The following CLPTM1L variants were observed in gnomAD, a reference collection of about 807,000 sequenced individuals.
The protein encoded by CLPTM1L is lipid scramblase CLPTM1L.
In CLPTM1L, 38 loss-of-function variants were observed where a neutral mutation model predicts 70.9. That is an observed-to-expected ratio of 0.54 (90% confidence interval 0.41 to 0.70). CLPTM1L has a LOEUF of 0.70. Among genes scored for constraint, CLPTM1L ranks in the 30% least tolerant of loss-of-function variants. The pLI, the probability that CLPTM1L is intolerant of heterozygous loss-of-function variation, is 0.00. For synonymous variants in CLPTM1L, 339 were observed against 299.9 expected (o/e 1.13, Z -1.35); for missense variants, 652 against 705.9 (o/e 0.92, Z 0.87).
At chr5:1,330,427 C>G in intron 8 of CLPTM1L, 44 bp from the exon 9 acceptor site, 1 of 1,525,928 alleles carries the variant, frequency 6.6e-7, no homozygotes, top group Non-Finnish European at 9.1e-7. Flanking sequence ...CAGGGCAGAC[C>G]CCACCTGTGT....
chr5:1,324,879 GA>G, intron 10 of CLPTM1L, 66 bp from the exon 11 acceptor site: 4 of 1,456,922 alleles, frequency 2.7e-6, no homozygotes, highest in Non-Finnish European at 2.9e-6. Context: ...GCTGAGCTGT[GA>G]CTAAGGGGCG....
chr5:1,331,999 T>C (rs1753124894), intron 7 of CLPTM1L, 116 bp from the exon 8 acceptor site: 2 of 814,398 alleles, frequency 2.5e-6, no homozygotes, highest in Non-Finnish European at 4.1e-6. Context: ...AGCCTCAGGA[T>C]GCATCAGGAT....
intron 8 of CLPTM1L, chr5:1,331,495 A>G (rs986151575): frequency 2.8e-5 from 13 of 470,528 alleles, no homozygotes; most frequent in Non-Finnish European, 1.9e-5. Context: ...AAGGCTCGAG[A>G]GGTCCATGCA....
chr5:1,342,519 C>T lies in CLPTM1L; in HGVS notation c.264-659G>A, dbSNP rs1279189114. On this transcript the variant is annotated intron_variant, in intron 2 of 16. Transcript: ENST00000320895. The surrounding 1 kb of genome is among the most constrained non-coding windows in gnomAD (Gnocchi z 4.3). ...TCTTCACCCGCACACCAGGGCCCGACGTCCATACTACAGCCCCATGGAAAA... is the reference window on the plus strand; with the variant it reads ...TCTTCACCCGCACACCAGGGCCCGATGTCCATACTACAGCCCCATGGAAAA... 1.3e-5 allele frequency among the ~76,000 whole-genome samples: 2 copies of T among 152,196 alleles called. No homozygotes were observed. The highest frequency in any genetic ancestry group is 1.9e-4 in the East Asian group (1 of 5,200).
chr5:1,337,687 C>A (rs777048783), intron 5 of CLPTM1L, among the ~76,000 whole-genome samples: 2 of 152,242 alleles, frequency 1.3e-5, no homozygotes, highest in Admixed American at 1.3e-4. Flanking sequence ...AGAGGCTCAG[C>A]AGGACCCCGC....
At chr5:1,326,175 G>A (rs927104824) in intron 9 of CLPTM1L, 8 of 295,914 alleles carry the variant, frequency 2.7e-5, no homozygotes, top group African/African-American at 1.1e-4. Context: ...TCTGAGAGCC[G>A]CCACCTCATG....
chr5:1,319,368 C>G (rs1422582462), intron 16 of CLPTM1L, among the ~76,000 whole-genome samples: 2 of 116,016 alleles, frequency 1.7e-5, no homozygotes, highest in African/African-American at 3.3e-5. Context: ...TGGGGGGGGG[C>G]AGCCGGCGGC....
At chr5:1,323,364 C>T (rs576207004) in intron 12 of CLPTM1L, among the ~76,000 whole-genome samples, 1 of 132,030 alleles carries the variant, frequency 7.6e-6, no homozygotes, top group East Asian at 2.1e-4. Context: ...CGGGATCCCT[C>T]TTGGCTCAGG....
intron 3 of CLPTM1L, among the ~76,000 whole-genome samples, chr5:1,340,352 T>C (rs1579655052): frequency 1.3e-5 from 2 of 152,338 alleles, no homozygotes; most frequent in East Asian, 3.9e-4. Flanking sequence ...ACACGGCTCT[T>C]ACATGAAGTT....
At chr5:1,335,259 C>T (rs899880495) in intron 5 of CLPTM1L, 85 bp from the exon 6 acceptor site, 1 of 1,057,544 alleles carries the variant, frequency 9.5e-7, no homozygotes. Flanking sequence ...CTGCCATCCC[C>T]CTTCCCATCC....
intron 9 of CLPTM1L, 26 bp from the exon 10 acceptor site, chr5:1,325,842 T>C (rs746453677): frequency 8.7e-6 from 14 of 1,605,430 alleles, no homozygotes; most frequent in Non-Finnish European, 1.2e-5. Flanking sequence ...AGGAAATAGT[T>C]CCTTTAATAT....
intron 1 of CLPTM1L, 65 bp from the exon 2 acceptor site, chr5:1,344,516 CGGCCAGCT>C: frequency 3.9e-6 from 6 of 1,519,634 alleles, no homozygotes; most frequent in Non-Finnish European, 5.5e-6. Flanking sequence ...TCAAATCCCA[CGGCCAGCT>C]GGAGGGCGGA....
rs199811270 is a variant in CLPTM1L, at chr5:1,323,771, G to A, written c.1280+16C>T. On this transcript the variant is annotated intron_variant, in intron 12 of 16. Coordinates refer to ENST00000320895, the MANE Select transcript of CLPTM1L (RefSeq NM_030782.5). ...AGGGGAAAGACGCAGCAGGGGAAGC[G>A]TGTGCGGCCTCCTACCTCTTATATT... The A allele has an allele frequency of 2.1e-5, 34 of 1,600,044 alleles. No homozygotes were observed. Among genetic ancestry groups the A allele is most frequent in the Middle Eastern group, 1.7e-4 (1 of 6,034 alleles).
At chr5:1,323,393 C>G (rs565351302) in intron 12 of CLPTM1L, among the ~76,000 whole-genome samples, 1 of 151,548 alleles carries the variant, frequency 6.6e-6, no homozygotes, top group East Asian at 1.9e-4. Flanking sequence ...CCCACCCGGG[C>G]AGCAGAGGCT....
chr5:1,329,904 A>G (rs1222163740), intron 9 of CLPTM1L, among the ~76,000 whole-genome samples: 332 of 62,356 alleles, frequency 5.3e-3, no homozygotes, highest in African/African-American at 6.6e-3. Flanking sequence ...TGGTGGACAG[A>G]GCCTCAGGAC....
At chr5:1,340,329 T>C (rs1311157859) in intron 3 of CLPTM1L, among the ~76,000 whole-genome samples, 2 of 152,054 alleles carry the variant, frequency 1.3e-5, no homozygotes, top group Non-Finnish European at 2.9e-5. Context: ...AAAGGAGACA[T>C]ACTGAGGATT....
At position 1,322,927 on chromosome 5, in the gene CLPTM1L, AAGG is replaced by A. The variant is rs747797500; in HGVS notation, c.1281-19_1281-17del. On this transcript the variant is annotated splice_polypyrimidine_tract_variant and intron_variant, in intron 12 of 16. Coordinates refer to ENST00000320895, the MANE Select transcript of CLPTM1L (RefSeq NM_030782.5). ...GGAGTACCAGCTGAAACGGAAAAAAAAGGAGAAGTCCTATTTCTCGCATAGCTT... is the reference window on the plus strand; with the variant it reads ...GGAGTACCAGCTGAAACGGAAAAAAAAGAAGTCCTATTTCTCGCATAGCTT... The A allele has an allele frequency of 2.5e-5, 40 of 1,612,626 alleles. No individual in the cohort carries two copies. The highest frequency in any genetic ancestry group is 1.1e-4 in the African/African-American group (8 of 75,028).
rs777524985 is a variant in CLPTM1L, at chr5:1,337,928, G to A, written c.654C>T (p.Leu218=). 3.7e-5 allele frequency: 59 copies of A among 1,605,956 alleles called. No homozygotes were observed. The highest frequency in any genetic ancestry group is 5.1e-5 in the Admixed American group (3 of 58,462). ...HYLPILFIDQ[L]SNRVKDLMVI... is the part of the protein sequence containing the mutation. ...CCATCAGGTCCTTCACGCGGTTGCT[G>A]AGCTGGTCGATGAACAGGATGGGCA... The change falls in exon 5 of 17, where the codon CTC becomes CTT. Residue 218 remains leucine, a synonymous_variant. Transcript: ENST00000320895.
chr5:1,332,632 C>A (rs964741300), intron 7 of CLPTM1L, among the ~76,000 whole-genome samples: 3 of 152,184 alleles, frequency 2.0e-5, no homozygotes, highest in Admixed American at 6.5e-5. Flanking sequence ...CCTTGCTTTA[C>A]CCATGGTTTA....
Sources: gnomAD v4.1 joint callset for allele counts (sites outside exome capture counted in the v4.1 genomes callset) on GRCh38, gnomAD v4.1.1 for gene constraint, Gnocchi (gnomAD v3.1) non-coding constraint, MANE v1.5 for transcripts, NCBI Gene and HGNC (gene_info 2026-07-23, HGNC 2026-07-21) for gene names.